KCNQ3: variants seen among roughly 807,000 people sequenced by gnomAD.
The protein encoded by KCNQ3 is potassium voltage-gated channel subfamily KQT member 3.
KCNQ3 carries 30 observed loss-of-function variants against 92.5 expected under a neutral mutation model. That is an observed-to-expected ratio of 0.32 (90% confidence interval 0.24 to 0.44). KCNQ3 has a LOEUF of 0.44. Ranked by LOEUF, KCNQ3 falls within the 20% of genes least tolerant of loss-of-function variation. The pLI, the probability that KCNQ3 is intolerant of heterozygous loss-of-function variation, is 1.00. For missense variants in KCNQ3, 913 were observed against 1,140.3 expected, an observed-to-expected ratio of 0.80 and a Z score of 2.87; for synonymous variants, 450 against 468.8, an observed-to-expected ratio of 0.96 and a Z score of 0.52.
chr8:132,399,696 T>C (rs1014036094), intron 1 of KCNQ3, among the ~76,000 whole-genome samples: 4 of 152,142 alleles, frequency 2.6e-5, no homozygotes, highest in Admixed American at 1.3e-4. Flanking sequence ...CTCACACATA[T>C]GTCTGTGTTC....
At chr8:132,163,357 A>G in intron 9 of KCNQ3, 111 bp downstream of exon 9, 1 of 892,472 alleles carries the variant, frequency 1.1e-6, no homozygotes, top group Non-Finnish European at 1.9e-6. Context: ...GACCCCAAAG[A>G]CTCTATCTTG....
At position 132,121,127 on chromosome 8, in the gene KCNQ3, C is replaced by T. The variant is rs1824455419; in HGVS notation, c.*8135G>A. 1 of 152,118 alleles carries T rather than the reference C, an allele frequency of 6.6e-6. No individual in the cohort carries two copies. The highest frequency in any genetic ancestry group is 2.1e-4 in the South Asian group (1 of 4,814). The allele number at this position is 152,118 out of a possible 1,614,324, so 9.4% of individuals were successfully genotyped here. On this transcript the variant is annotated 3_prime_UTR_variant, in exon 15 of 15. Coordinates refer to ENST00000388996, the MANE Select transcript of KCNQ3 (RefSeq NM_004519.4). ...AGAAAGCCTACTCGTAGCACAGAGA[C>T]AAACCCAGGGAGCAAGGCACCAGAA...
intron 1 of KCNQ3, among the ~76,000 whole-genome samples, chr8:132,372,784 A>AAAG (rs1819510810): frequency 6.7e-6 from 1 of 149,568 alleles, no homozygotes. Flanking sequence ...AAAAAAAAAA[A>AAAG]CGCTTAGAGC....
At position 132,186,219 on chromosome 8, in the gene KCNQ3, AG is replaced by A. The variant is rs752418100; in HGVS notation, c.387-39del. On this transcript the variant is annotated intron_variant, in intron 1 of 14. Coordinates refer to ENST00000388996, the MANE Select transcript of KCNQ3 (RefSeq NM_004519.4). ...AAAGAAATGGACTAAGGAACCTTTG[AG>A]TCATGGCTTGCTTTGAGGCTAAGAT... is the stretch of plus-strand genomic sequence containing the variant. The A allele has an allele frequency of 1.2e-5, 17 of 1,475,942 alleles. No individual in the cohort carries two copies. The South Asian group carries it at 1.9e-4, about 17-fold the overall frequency. The allele number at this position is 1,475,942 out of a possible 1,614,324, so 91.4% of individuals were successfully genotyped here. A position where few individuals can be genotyped will look rare whatever the true frequency, so the allele number is the denominator to read the frequency against.
intron 1 of KCNQ3, among the ~76,000 whole-genome samples, chr8:132,410,508 C>A (rs1208476360): frequency 6.6e-6 from 1 of 152,208 alleles, no homozygotes; most frequent in African/African-American, 2.4e-5. Context: ...TTATGAGTGG[C>A]TCATGAGCGA....
chr8:132,325,292 C>A (rs1368025351), intron 1 of KCNQ3, among the ~76,000 whole-genome samples: 1 of 152,064 alleles, frequency 6.6e-6, no homozygotes, highest in East Asian at 1.9e-4. Flanking sequence ...TGTTGGGGGT[C>A]AAGAGAGCTG....
At chr8:132,408,327 A>T (rs918471098) in intron 1 of KCNQ3, among the ~76,000 whole-genome samples, 12 of 152,104 alleles carry the variant, frequency 7.9e-5, no homozygotes, top group African/African-American at 2.9e-4. Context: ...TTCTGCCTCT[A>T]CTACATGGAG....
At chr8:132,132,377 G>A (rs562852808) in intron 13 of KCNQ3, 113 bp from the exon 14 acceptor site, 3 of 807,400 alleles carry the variant, frequency 3.7e-6, no homozygotes, top group African/African-American at 3.4e-5. Context: ...CCTCACACTT[G>A]TGTGGCATAA....
At chr8:132,171,103 C>A (rs1449894295) in intron 7 of KCNQ3, among the ~76,000 whole-genome samples, 1 of 152,134 alleles carries the variant, frequency 6.6e-6, no homozygotes, top group Non-Finnish European at 1.5e-5. Flanking sequence ...ACTTCTCAGT[C>A]AAATATATAG....
intron 1 of KCNQ3, among the ~76,000 whole-genome samples, chr8:132,365,782 C>A (rs1473627866): frequency 6.6e-6 from 1 of 152,210 alleles, no homozygotes; most frequent in Non-Finnish European, 1.5e-5. Flanking sequence ...GTAATCCTAG[C>A]ATTTTGGGAG....
At chr8:132,246,931 T>C (rs1187780447) in intron 1 of KCNQ3, among the ~76,000 whole-genome samples, 1 of 152,208 alleles carries the variant, frequency 6.6e-6, no homozygotes, top group African/African-American at 2.4e-5. Flanking sequence ...GGCAGCCCCA[T>C]CATAAAGTTC....
At chr8:132,439,529 C>T (rs1821480576) in intron 1 of KCNQ3, among the ~76,000 whole-genome samples, 1 of 152,100 alleles carries the variant, frequency 6.6e-6, no homozygotes, top group Non-Finnish European at 1.5e-5. Context: ...GTCAAGGTTG[C>T]TGAAGGAACA....
At chr8:132,281,888 C>G (rs145764301) in intron 1 of KCNQ3, among the ~76,000 whole-genome samples, 94 of 152,330 alleles carry the variant, frequency 6.2e-4, no homozygotes, top group African/African-American at 2.2e-3. Flanking sequence ...TCTCACTGCT[C>G]TCACTGATGG....
At chr8:132,311,778 C>G (rs561588678) in intron 1 of KCNQ3, among the ~76,000 whole-genome samples, 2 of 152,178 alleles carry the variant, frequency 1.3e-5, no homozygotes, top group Non-Finnish European at 2.9e-5. Flanking sequence ...AAGAGAGGCC[C>G]TACCAGGCAG....
intron 1 of KCNQ3, among the ~76,000 whole-genome samples, chr8:132,436,571 T>G (rs1310379122): frequency 4.6e-5 from 7 of 152,232 alleles, no homozygotes. Context: ...GGGGATTATT[T>G]GTACAGGAAT....
intron 1 of KCNQ3, among the ~76,000 whole-genome samples, chr8:132,379,005 C>A (rs918914481): frequency 2.0e-5 from 3 of 152,166 alleles, no homozygotes; most frequent in African/African-American, 7.2e-5. Flanking sequence ...AGTTATTGAA[C>A]GTTGAGTTAA....
chr8:132,421,641 G>A (rs1170871153), intron 1 of KCNQ3, among the ~76,000 whole-genome samples: 2 of 152,062 alleles, frequency 1.3e-5, no homozygotes, highest in Non-Finnish European at 2.9e-5. Flanking sequence ...ACCTCAACTG[G>A]TGGTTCTGTC....
At chr8:132,130,095 T>TG (rs1824829639) in intron 14 of KCNQ3, 99 bp from the exon 15 acceptor site, 2 of 1,386,872 alleles carry the variant, frequency 1.4e-6, no homozygotes, top group African/African-American at 1.4e-5. Context: ...TTTTTTTTTT[T>TG]TTTTTGAGAC....
At chr8:132,322,074 A>G (rs780182191) in intron 1 of KCNQ3, among the ~76,000 whole-genome samples, 27 of 152,326 alleles carry the variant, frequency 1.8e-4, no homozygotes, top group Middle Eastern at 3.4e-3. Flanking sequence ...AAGTGAAAGA[A>G]GAGGGGCGGA....
Sources: allele counts gnomAD v4.1 joint callset (sites outside exome capture counted in the v4.1 genomes callset), GRCh38; gene constraint gnomAD v4.1.1; transcripts MANE v1.5; gene names NCBI Gene and HGNC (gene_info 2026-07-23, HGNC 2026-07-21).